The following ZNF148 variants were observed in gnomAD, a reference collection of about 807,000 sequenced individuals.
The protein encoded by ZNF148 is zinc finger protein 148, also known as Beta-Enolase Repressor Factor-1.
A neutral mutation model predicts 67.7 loss-of-function variants in ZNF148; 7 were observed. That is an observed-to-expected ratio of 0.10 (90% CI 0.06 to 0.19). The LOEUF (loss-of-function observed/expected upper bound fraction) is 0.19, where lower values mean the gene tolerates loss of function less well. Among genes scored for constraint, ZNF148 ranks in the 10% least tolerant of loss-of-function variants. The probability of loss-of-function intolerance (pLI) is 1.00; values close to 1 mark genes in which losing one functional copy is unlikely to be tolerated. For synonymous variants in ZNF148, 333 were observed against 330.7 expected (o/e 1.01, Z -0.08); for missense variants, 583 against 947.1 (o/e 0.62, Z 5.05).
intron 2 of ZNF148, among the ~76,000 whole-genome samples, chr3:125,329,708 T>A (rs1941200206): frequency 1.3e-5 from 2 of 151,648 alleles, no homozygotes. Context: ...ATTCACTACA[T>A]CATCATTTAT....
chr3:125,242,033 T>C (rs1936389091), intron 7 of ZNF148, among the ~76,000 whole-genome samples: 1 of 152,220 alleles, frequency 6.6e-6, no homozygotes, highest in Non-Finnish European at 1.5e-5. Flanking sequence ...TTCCACCTAC[T>C]TTTTTGTAGT....
chr3:125,251,575 C>T lies in ZNF148; in HGVS notation c.668-17246G>A, dbSNP rs188560691. On this transcript the variant is annotated intron_variant, in intron 7 of 8. Coordinates refer to ENST00000360647, the MANE Select transcript of ZNF148 (RefSeq NM_021964.3). ...AATTAATTTTGCCTTATGAACTTCA[C>T]ATGAATGGAATTATATAGTATATAT... 6.2e-4 allele frequency among the ~76,000 whole-genome samples: 95 copies of T among 152,302 alleles called. No homozygotes were observed. The East Asian group carries it at 0.017, about 27-fold the overall frequency.
In ZNF148 at chr3:125,351,602, C is replaced by T. The variant is rs190440958; in HGVS notation, c.-233-20364G>A. Among the ~76,000 whole-genome samples, 2 of 152,090 alleles carry T rather than the reference C, an allele frequency of 1.3e-5. 1 individual carries two copies. Among genetic ancestry groups the T allele is most frequent in the East Asian group, 3.9e-4 (2 of 5,182 alleles). ...ACTGTTATGCTTCAAAAGACACTAT[C>T]AAGAAAGTGAAAACAACCCACAGAA... On this transcript the variant is annotated intron_variant, in intron 1 of 8. Transcript: ENST00000360647.
At chr3:125,351,380 CAAAAAAA>C (rs1158167448) in intron 1 of ZNF148, among the ~76,000 whole-genome samples, 4 of 51,340 alleles carry the variant, frequency 7.8e-5, no homozygotes, top group Non-Finnish European at 9.9e-5. Context: ...CCTTGTTTCT[CAAAAAAA>C]AAAAAAAAAA....
intron 4 of ZNF148, among the ~76,000 whole-genome samples, chr3:125,309,620 G>A (rs1940087888): frequency 6.6e-6 from 1 of 152,166 alleles, no homozygotes. Context: ...GATAAGGGAC[G>A]GGATTATGAC....
chr3:125,278,958 CTT>C (rs1158544942), intron 6 of ZNF148, among the ~76,000 whole-genome samples, 164 bp downstream of exon 6: 1 of 152,160 alleles, frequency 6.6e-6, no homozygotes, highest in Non-Finnish European at 1.5e-5. Flanking sequence ...TGTTTTCTCA[CTT>C]AAGAGTTTTT....
intron 1 of ZNF148, among the ~76,000 whole-genome samples, chr3:125,367,824 A>G (rs1245153935): frequency 6.6e-6 from 1 of 152,238 alleles, no homozygotes; most frequent in East Asian, 1.9e-4. Flanking sequence ...CAGGCTCATA[A>G]AAGAACAACT....
Position 125,232,868 on chromosome 3 carries a change from C to G in ZNF148, c.1858G>C (p.Asp620His), listed in dbSNP as rs1377727887. ...AGGCTCGGGCTATTCAAATAGGCAT[C>G]ATTTTGGCTAGTTCTGTCCAAAGCC... ...QQALDRTSQN[D>H]AYLNSPSLNF... The change falls in exon 9 of 9, where the codon GAT becomes CAT. Residue 620 changes from aspartate to histidine, a missense_variant. By Grantham distance (81) the Asp-to-His change is moderately conservative. This residue lies in a region of ZNF148 where 158 missense variants were observed against 208.4 expected (regional missense o/e 0.76). Coordinates refer to ENST00000360647, the MANE Select transcript of ZNF148 (RefSeq NM_021964.3). The surrounding 1 kb of genome is among the most constrained non-coding windows in gnomAD (Gnocchi z 4.2). 6.2e-7 allele frequency: 1 copy of G among 1,613,832 alleles called. No homozygotes were observed. Among genetic ancestry groups the G allele is most frequent in the Admixed American group, 1.7e-5 (1 of 59,990 alleles).
intron 3 of ZNF148, among the ~76,000 whole-genome samples, chr3:125,316,696 T>G (rs1203569598): frequency 1.3e-5 from 2 of 152,048 alleles, no homozygotes. Flanking sequence ...ATTGAATTAC[T>G]AGATTTTTTT....
chr3:125,353,965 A>C (rs1942253590), intron 1 of ZNF148, among the ~76,000 whole-genome samples: 1 of 152,136 alleles, frequency 6.6e-6, no homozygotes, highest in Non-Finnish European at 1.5e-5. Context: ...TACAGATGAC[A>C]TAAGCTTAGC....
In ZNF148 at chr3:125,233,684, G is replaced by A; in HGVS notation, c.1042C>T (p.Leu348Phe). The change falls in exon 9 of 9, where the codon CTT becomes TTT. Residue 348 changes from leucine to phenylalanine, a missense_variant. Around this residue, in one of 5 missense-constraint regions of ZNF148, gnomAD observed 78 missense variants for 86.5 expected, o/e 0.90. Transcript: ENST00000360647. This position sits in a 1 kb window ranked among gnomAD's most constrained non-coding sequence, Gnocchi z 5.1. Reference sequence around the variant, plus strand: ...TTTACTTTAGTACTTGAAGAATAAAGAGGCAAGTAATCATTTTTGTCTTTT... The same window carrying A: ...TTTACTTTAGTACTTGAAGAATAAAAAGGCAAGTAATCATTTTTGTCTTTT... ...LKKDKNDYLP[L>F]YSSSTKVKDE... 1 of 1,613,916 alleles carries A rather than the reference G, an allele frequency of 6.2e-7. No individual in the cohort carries two copies.
chr3:125,277,903 A>C, intron 6 of ZNF148, 94 bp from the exon 7 acceptor site: 4 of 950,254 alleles, frequency 4.2e-6, no homozygotes, highest in Non-Finnish European at 5.9e-6. Context: ...AGATGCCCAA[A>C]TTTTGGAAAA....
At chr3:125,340,987 C>CAAAAAA (rs934719609) in intron 1 of ZNF148, among the ~76,000 whole-genome samples, 2 of 12,168 alleles carry the variant, frequency 1.6e-4, no homozygotes, top group African/African-American at 5.4e-4. Context: ...GACTCCGGCT[C>CAAAAAA]AAAAAAAAAA....
chr3:125,285,906 C>T (rs543076770), intron 5 of ZNF148, among the ~76,000 whole-genome samples: 24 of 152,240 alleles, frequency 1.6e-4, no homozygotes, highest in African/African-American at 5.5e-4. Context: ...ATGAGTTTAT[C>T]GCAAATTAGA....
intron 3 of ZNF148, among the ~76,000 whole-genome samples, chr3:125,318,634 G>A (rs1426672473): frequency 6.6e-6 from 1 of 152,138 alleles, no homozygotes; most frequent in Non-Finnish European, 1.5e-5. Context: ...GAGACCTTAG[G>A]CAGCTGACAC....
chr3:125,265,125 A>C (rs1937506658), intron 7 of ZNF148, among the ~76,000 whole-genome samples: 1 of 152,256 alleles, frequency 6.6e-6, no homozygotes, highest in African/African-American at 2.4e-5. Context: ...TATTCTGCTA[A>C]GATAGTCTGT....
chr3:125,285,126 T>C (rs1055583837), intron 5 of ZNF148, among the ~76,000 whole-genome samples: 3 of 152,148 alleles, frequency 2.0e-5, no homozygotes, highest in East Asian at 3.8e-4. Flanking sequence ...TACTACACAA[T>C]GGTGACACAA....
At chr3:125,278,190 G>A (rs1167925026) in intron 6 of ZNF148, among the ~76,000 whole-genome samples, 5 of 152,052 alleles carry the variant, frequency 3.3e-5, no homozygotes, top group Non-Finnish European at 7.4e-5. Flanking sequence ...TTTCTCCCTA[G>A]TTAACCATCC....
At chr3:125,306,578 TG>T (rs1199236337) in intron 4 of ZNF148, among the ~76,000 whole-genome samples, 7 of 152,236 alleles carry the variant, frequency 4.6e-5, no homozygotes, top group Non-Finnish European at 1.0e-4. Flanking sequence ...AGCCTACTTA[TG>T]TTTTTTTAAA....
Sources: gnomAD v4.1 joint callset for allele counts (sites outside exome capture counted in the v4.1 genomes callset) on GRCh38, gnomAD v4.1.1 for gene constraint, gnomAD v4.1.1 regional missense constraint, Gnocchi (gnomAD v3.1) non-coding constraint, MANE v1.5 for transcripts, NCBI Gene and HGNC (gene_info 2026-07-23, HGNC 2026-07-21) for gene names.